Variants in KCNH8 observed in about 807,000 individuals in gnomAD.
KCNH8 encodes the protein potassium voltage-gated channel subfamily H member 8, also known as voltage-gated delayed rectifier potassium channel KCNH8.
Under a neutral mutation model 103.6 loss-of-function variants are expected in KCNH8, and 70 were observed. The ratio of observed to expected loss-of-function variants is 0.68; its 90% CI spans 0.56 to 0.82. The LOEUF is 0.82. Ranked by LOEUF, KCNH8 falls within the 40% of genes least tolerant of loss-of-function variation. The probability of loss-of-function intolerance (pLI) is 0.00; values close to 1 mark genes in which losing one functional copy is unlikely to be tolerated. For synonymous variants in KCNH8, 498 were observed against 489.4 expected (o/e 1.02, Z -0.23); for missense variants, 1,217 against 1,329.9 (o/e 0.92, Z 1.32).
intron 1 of KCNH8, among the ~76,000 whole-genome samples, chr3:19,166,410 A>G (rs957431551): frequency 3.3e-5 from 5 of 152,244 alleles, no homozygotes; most frequent in Non-Finnish European, 5.9e-5. Context: ...ACACTTTTGT[A>G]TAATGCTTTG....
chr3:19,192,117 C>T (rs1477341485), intron 1 of KCNH8, among the ~76,000 whole-genome samples: 1 of 151,548 alleles, frequency 6.6e-6, no homozygotes, highest in Non-Finnish European at 1.5e-5. Flanking sequence ...ACAGCAAATG[C>T]AAGTTCTAAA....
chr3:19,203,122 A>G (rs1575433792), intron 1 of KCNH8, among the ~76,000 whole-genome samples: 1 of 152,172 alleles, frequency 6.6e-6, no homozygotes, highest in South Asian at 2.1e-4. Flanking sequence ...ATTAAAATGG[A>G]TCATTACAAA....
rs1401120921 is a variant in KCNH8, at chr3:19,390,599, C to T, written c.930C>T (p.Ala310=). ...TTWFIIDLIA[A]LPFDLLYAFN... Reference sequence around the variant, plus strand: ...GGTTCATCATTGATTTAATCGCTGCCCTGCCTTTTGATCTTCTGTATGCTT... The same window carrying T: ...GGTTCATCATTGATTTAATCGCTGCTCTGCCTTTTGATCTTCTGTATGCTT... The change falls in exon 6 of 16, where the codon GCC becomes GCT. Residue 310 remains alanine (A), a synonymous_variant. Coordinates refer to ENST00000328405, the MANE Select transcript of KCNH8 (RefSeq NM_144633.3). 1 of 1,613,232 alleles carries T rather than the reference C, an allele frequency of 6.2e-7. No homozygotes were observed. The highest frequency in any genetic ancestry group is 8.5e-7 in the Non-Finnish European group (1 of 1,179,602).
At chr3:19,280,650 C>G (rs989440824) in intron 2 of KCNH8, among the ~76,000 whole-genome samples, 6 of 151,954 alleles carry the variant, frequency 3.9e-5, no homozygotes, top group African/African-American at 1.5e-4. Flanking sequence ...TTAATACTAC[C>G]TGTGTTTAAA....
chr3:19,282,225 C>A (rs1167456810), intron 3 of KCNH8, among the ~76,000 whole-genome samples: 1 of 152,056 alleles, frequency 6.6e-6, no homozygotes, highest in African/African-American at 2.4e-5. Flanking sequence ...TAGTTTGGTG[C>A]TCTCACTTCT....
chr3:19,473,392 T>C (rs1027259004), intron 11 of KCNH8, among the ~76,000 whole-genome samples: 2 of 152,220 alleles, frequency 1.3e-5, no homozygotes, highest in Non-Finnish European at 2.9e-5. Flanking sequence ...CCTTGGCCAT[T>C]TGACTTGCCT....
chr3:19,234,704 G>C (rs1422751514), intron 1 of KCNH8, among the ~76,000 whole-genome samples: 2 of 152,264 alleles, frequency 1.3e-5, no homozygotes, highest in Non-Finnish European at 1.5e-5. Flanking sequence ...GTGCAGCGGC[G>C]GGCTGAAGGG....
intron 11 of KCNH8, among the ~76,000 whole-genome samples, chr3:19,474,817 A>T (rs1479302585): frequency 1.3e-5 from 2 of 152,178 alleles, no homozygotes; most frequent in Non-Finnish European, 2.9e-5. Context: ...CCCGAGTCTG[A>T]TTATTGCTAA....
rs569835248 is a variant in KCNH8 at position 19,291,056 on chromosome 3, G to A, written c.442+9727G>A. Among the ~76,000 whole-genome samples, 432 of 152,210 alleles carry A rather than the reference G, an allele frequency of 2.8e-3. 6 individuals are homozygous for A. Among genetic ancestry groups the A allele is most frequent in the African/African-American group, 9.6e-3 (400 of 41,520 alleles). ...AGAGGTGTTTATAGTATTCTCTGAT[G>A]GTAGTTTGTATTTCTGTGGGATTGG... is the stretch of plus-strand genomic sequence containing the variant. On this transcript the variant is annotated intron_variant, in intron 3 of 15. Coordinates refer to ENST00000328405, the MANE Select transcript of KCNH8 (RefSeq NM_144633.3).
intron 2 of KCNH8, among the ~76,000 whole-genome samples, chr3:19,271,761 G>A (rs2064591632): frequency 6.6e-6 from 1 of 152,074 alleles, no homozygotes; most frequent in South Asian, 2.1e-4. Context: ...CAAGTAAATG[G>A]CAAAGTAAAT....
intron 1 of KCNH8, among the ~76,000 whole-genome samples, chr3:19,182,672 A>G (rs113480987): frequency 0.015 from 2,329 of 152,242 alleles, 60 homozygotes; most frequent in African/African-American, 0.051. Context: ...AAGAGGCCCC[A>G]GTAGTACTAG....
intron 1 of KCNH8, among the ~76,000 whole-genome samples, chr3:19,194,797 G>C (rs936303063): frequency 2.0e-5 from 3 of 151,740 alleles, no homozygotes; most frequent in African/African-American, 7.3e-5. Flanking sequence ...TAAAAAACAA[G>C]AGAAGGTCGT....
chr3:19,448,399 A>C (rs1559332160), intron 8 of KCNH8, among the ~76,000 whole-genome samples: 1 of 151,984 alleles, frequency 6.6e-6, no homozygotes, highest in African/African-American at 2.4e-5. Context: ...ACCCTATTCT[A>C]GTAGCTTTTC....
chr3:19,202,609 A>G (rs867474130), intron 1 of KCNH8, among the ~76,000 whole-genome samples: 2 of 152,274 alleles, frequency 1.3e-5, no homozygotes, highest in Middle Eastern at 3.4e-3. Flanking sequence ...ATGAGAAATT[A>G]TGCTTTTGGT....
At chr3:19,178,644 T>G (rs1016938146) in intron 1 of KCNH8, among the ~76,000 whole-genome samples, 11 of 151,760 alleles carry the variant, frequency 7.2e-5, no homozygotes, top group African/African-American at 2.7e-4. Flanking sequence ...AGAAAGGGAG[T>G]GTGGTCCTCC....
chr3:19,346,605 T>C (rs1205796332), intron 4 of KCNH8: 7 of 456,104 alleles, frequency 1.5e-5, no homozygotes, highest in African/African-American at 1.0e-4. Context: ...AGTCACCACT[T>C]AGAGCTAAAT....
intron 11 of KCNH8, among the ~76,000 whole-genome samples, chr3:19,459,142 C>T (rs569830154): frequency 9.9e-5 from 15 of 151,906 alleles, no homozygotes; most frequent in African/African-American, 3.6e-4. Context: ...TCATATGGTA[C>T]TTCTATTTTT....
intron 7 of KCNH8, among the ~76,000 whole-genome samples, chr3:19,416,689 T>C (rs1043650807): frequency 3.3e-5 from 5 of 152,214 alleles, no homozygotes; most frequent in African/African-American, 1.2e-4. Context: ...TGATTGTTTA[T>C]GTCTTTGCTT....
At chr3:19,323,200 G>A (rs367716534) in intron 3 of KCNH8, among the ~76,000 whole-genome samples, 30 of 151,950 alleles carry the variant, frequency 2.0e-4, no homozygotes, top group African/African-American at 5.5e-4. Context: ...CTGTAATCCC[G>A]GCACTTTGGG....
Sources: allele counts gnomAD v4.1 joint callset (sites outside exome capture counted in the v4.1 genomes callset), GRCh38; gene constraint gnomAD v4.1.1; transcripts MANE v1.5; gene names NCBI Gene and HGNC (gene_info 2026-07-23, HGNC 2026-07-21).